SLC24A2: variants seen among roughly 807,000 people sequenced by gnomAD.
SLC24A2 encodes solute carrier family 24 member 2, also known as sodium/potassium/calcium exchanger 2.
Under a neutral mutation model 62.0 loss-of-function variants are expected in SLC24A2, and 36 were observed. The ratio of observed to expected loss-of-function variants is 0.58; its 90% CI spans 0.44 to 0.77. The LOEUF (loss-of-function observed/expected upper bound fraction) is 0.77. SLC24A2 is among the 30% of genes least tolerant of loss of function. SLC24A2 has a pLI of 0.00. For synonymous variants in SLC24A2, 358 were observed against 294.0 expected, an observed-to-expected ratio of 1.22 and a Z score of -2.23; for missense variants, 846 against 817.9, an observed-to-expected ratio of 1.03 and a Z score of -0.42.
the SLC24A2 span, among the ~76,000 whole-genome samples, chr9:20,170,580 G>A: frequency 1.3e-5 from 2 of 151,980 alleles, no homozygotes; most frequent in African/African-American, 4.8e-5. Context: ...GGGAACAGAT[G>A]TGAGTTATTG....
the SLC24A2 span, among the ~76,000 whole-genome samples, chr9:19,952,149 T>C: frequency 4.5e-4 from 69 of 152,164 alleles, 1 homozygote; most frequent in East Asian, 0.011. Context: ...ATAGAAACAA[T>C]TGATTTTTGT....
the SLC24A2 span, among the ~76,000 whole-genome samples, chr9:20,107,631 T>A: frequency 6.6e-6 from 1 of 152,176 alleles, no homozygotes; most frequent in Non-Finnish European, 1.5e-5. Flanking sequence ...CTGGGAAAAC[T>A]GGCTAGCCAT....
At chr9:19,734,122 G>T (rs1207596203) in intron 2 of SLC24A2, among the ~76,000 whole-genome samples, 1 of 152,116 alleles carries the variant, frequency 6.6e-6, no homozygotes, top group Non-Finnish European at 1.5e-5. Context: ...AGTTTTCCCA[G>T]CACCATTTAT....
chr9:19,999,959 T>A, the SLC24A2 span, among the ~76,000 whole-genome samples: 2 of 152,188 alleles, frequency 1.3e-5, no homozygotes, highest in African/African-American at 4.8e-5. Flanking sequence ...ATGGCCTGAA[T>A]GTTCAAGACA....
At chr9:19,545,686 T>C (rs1196764172) in intron 8 of SLC24A2, among the ~76,000 whole-genome samples, 1 of 151,954 alleles carries the variant, frequency 6.6e-6, no homozygotes, top group African/African-American at 2.4e-5. Context: ...TTGCTTACGC[T>C]GGAGTGCAGT....
chr9:19,526,368 G>A (rs1222220185), intron 9 of SLC24A2, among the ~76,000 whole-genome samples: 2 of 152,142 alleles, frequency 1.3e-5, no homozygotes, highest in Non-Finnish European at 2.9e-5. Flanking sequence ...CTATTCCTAG[G>A]AGTGGAATTG....
At chr9:20,017,939 C>G in the SLC24A2 span, among the ~76,000 whole-genome samples, 3 of 152,114 alleles carry the variant, frequency 2.0e-5, no homozygotes, top group Non-Finnish European at 4.4e-5. Flanking sequence ...TATCCAGGAA[C>G]AATACTTTGC....
chr9:20,084,325 A>G, the SLC24A2 span, among the ~76,000 whole-genome samples: 2 of 152,202 alleles, frequency 1.3e-5, no homozygotes, highest in Admixed American at 6.5e-5. Context: ...GGGAGAGCCA[A>G]TGGTGTACAT....
At chr9:20,298,898 C>A in the SLC24A2 span, among the ~76,000 whole-genome samples, 1 of 152,218 alleles carries the variant, frequency 6.6e-6, no homozygotes, top group African/African-American at 2.4e-5. Flanking sequence ...TTGGGGCAGA[C>A]TGAGGCTCAT....
At chr9:19,765,076 G>A (rs1230196305) in intron 2 of SLC24A2, among the ~76,000 whole-genome samples, 1 of 151,144 alleles carries the variant, frequency 6.6e-6, no homozygotes, top group Non-Finnish European at 1.5e-5. Context: ...TCTGATATTT[G>A]TTTGTATAAA....
chr9:20,222,627 G>C, the SLC24A2 span, among the ~76,000 whole-genome samples: 26 of 152,166 alleles, frequency 1.7e-4, no homozygotes, highest in Middle Eastern at 3.4e-3. Context: ...ATCTGGCAGA[G>C]TGTAAAAACC....
chr9:19,739,822 C>T (rs577465864), intron 2 of SLC24A2, among the ~76,000 whole-genome samples: 90 of 152,140 alleles, frequency 5.9e-4, no homozygotes, highest in African/African-American at 1.9e-3. Context: ...AATTGGACTA[C>T]GTTAAAACTA....
At chr9:19,583,319 A>T (rs576068258) in intron 5 of SLC24A2, among the ~76,000 whole-genome samples, 1 of 152,308 alleles carries the variant, frequency 6.6e-6, no homozygotes, top group East Asian at 1.9e-4. Flanking sequence ...ATGTCACCTC[A>T]TTGAGGCTTG....
At chr9:19,613,733 G>A (rs987281797) in intron 4 of SLC24A2, among the ~76,000 whole-genome samples, 8 of 152,020 alleles carry the variant, frequency 5.3e-5, no homozygotes, top group African/African-American at 1.9e-4. Flanking sequence ...TTAAGCTGGT[G>A]TCTACACCAG....
the SLC24A2 span, among the ~76,000 whole-genome samples, chr9:19,963,638 T>C: frequency 6.6e-6 from 1 of 152,174 alleles, no homozygotes; most frequent in African/African-American, 2.4e-5. Flanking sequence ...TCACTGGCCA[T>C]CAGAGAAATG....
At chr9:19,828,566 A>G in the SLC24A2 span, among the ~76,000 whole-genome samples, 1 of 152,180 alleles carries the variant, frequency 6.6e-6, no homozygotes, top group East Asian at 1.9e-4. Context: ...TAAATTCATT[A>G]ATGAGAGGGG....
At chr9:19,796,507 C>A in the SLC24A2 span, among the ~76,000 whole-genome samples, 1 of 152,322 alleles carries the variant, frequency 6.6e-6, no homozygotes, top group South Asian at 2.1e-4. Flanking sequence ...CTTGTTTACT[C>A]CTTTGCTTTT....
the SLC24A2 span, among the ~76,000 whole-genome samples, chr9:20,119,329 C>CG: frequency 6.7e-6 from 1 of 149,040 alleles, no homozygotes; most frequent in African/African-American, 2.5e-5. Context: ...TAAATCACTA[C>CG]ATTTTTTTGT....
the SLC24A2 span, among the ~76,000 whole-genome samples, chr9:19,829,776 T>C: frequency 4.7e-5 from 1 of 21,130 alleles, no homozygotes; most frequent in African/African-American, 8.9e-5. Flanking sequence ...TGTGTGTGTG[T>C]GTGTGTGTGT....
Sources: gnomAD v4.1 joint callset for allele counts (sites outside exome capture counted in the v4.1 genomes callset) on GRCh38, gnomAD v4.1.1 for gene constraint, MANE v1.5 for transcripts, NCBI Gene and HGNC (gene_info 2026-07-23, HGNC 2026-07-21) for gene names.